The following C17orf67 variants were observed in gnomAD, a reference collection of about 807,000 sequenced individuals.
C17orf67 encodes chromosome 17 open reading frame 67, also known as uncharacterized protein C17orf67.
Under a neutral mutation model 11.2 loss-of-function variants are expected in C17orf67, and 12 were observed. The ratio of observed to expected loss-of-function variants is 1.07; its 90% CI spans 0.68 to 1.73. The LOEUF is 1.73. Ranked by LOEUF, C17orf67 falls within the 40% of genes most tolerant of loss-of-function variation. The pLI, the probability that C17orf67 is intolerant of heterozygous loss-of-function variation, is 0.00. For missense variants in C17orf67, 115 were observed against 113.5 expected (o/e 1.01, Z -0.06); for synonymous variants, 59 against 46.9 (o/e 1.26, Z -1.05).
intron 4 of C17orf67, among the ~76,000 whole-genome samples, chr17:56,817,646 G>A (rs1258731944): frequency 6.6e-6 from 1 of 151,670 alleles, no homozygotes; most frequent in Non-Finnish European, 1.5e-5. Context: ...GCAGAGATAG[G>A]GGCTCACTAT....
intron 7 of C17orf67, among the ~76,000 whole-genome samples, chr17:56,794,731 A>G (rs1048999365): frequency 1.3e-5 from 2 of 152,220 alleles, no homozygotes; most frequent in African/African-American, 2.4e-5. Context: ...CCCAAGTCTC[A>G]ACAAAACACA....
At chr17:56,828,107 CAAA>C (rs11379714) in intron 2 of C17orf67, among the ~76,000 whole-genome samples, 4 of 109,312 alleles carry the variant, frequency 3.7e-5, no homozygotes, top group Admixed American at 9.4e-5. Context: ...GACTCAGTCT[CAAA>C]AAAAAAAAAA....
At chr17:56,826,205 TA>T (rs1197666490) in intron 2 of C17orf67, among the ~76,000 whole-genome samples, 1 of 152,198 alleles carries the variant, frequency 6.6e-6, no homozygotes, top group African/African-American at 2.4e-5. Context: ...CCACCTGCCT[TA>T]GTCTCCCAAA....
intron 2 of C17orf67, among the ~76,000 whole-genome samples, chr17:56,826,785 T>TCAGTCCCAA (rs1305004096): frequency 2.6e-5 from 4 of 152,266 alleles, no homozygotes; most frequent in African/African-American, 7.2e-5. Flanking sequence ...AACAGTGATC[T>TCAGTCCCAA]CAGTCCCACC....
intron 6 of C17orf67, among the ~76,000 whole-genome samples, chr17:56,810,898 T>G (rs1905606670): frequency 6.6e-6 from 1 of 152,250 alleles, no homozygotes; most frequent in Admixed American, 6.5e-5. Context: ...CTGACTGGCA[T>G]TATTAATTTT....
intron 6 of C17orf67, among the ~76,000 whole-genome samples, chr17:56,798,934 G>A (rs993026145): frequency 3.5e-4 from 53 of 152,308 alleles, no homozygotes; most frequent in African/African-American, 1.3e-3. Flanking sequence ...AAGGTGAAGG[G>A]GAGCTGATAT....
chr17:56,808,344 T>C lies in C17orf67; in HGVS notation c.156+6525A>G, dbSNP rs534897048. 8.5e-5 allele frequency among the ~76,000 whole-genome samples: 13 copies of C among 152,294 alleles called. No homozygotes were observed. The South Asian group carries it at 2.7e-3, about 32-fold the overall frequency. On this transcript the variant is annotated intron_variant, in intron 6 of 7. Transcript: ENST00000397861. Reference sequence around the variant, plus strand: ...GTGTCCAGAGTTACCATAAAATAAATGTATCCGTTATTCCTGCTGCTGGGA... The same window carrying C: ...GTGTCCAGAGTTACCATAAAATAAACGTATCCGTTATTCCTGCTGCTGGGA...
chr17:56,814,344 A>G (rs1905702243), intron 6 of C17orf67, among the ~76,000 whole-genome samples: 1 of 152,180 alleles, frequency 6.6e-6, no homozygotes, highest in African/African-American at 2.4e-5. Flanking sequence ...TCACAGAGGG[A>G]GCCTGGTTCA....
At chr17:56,797,035 T>G (rs1905226932) in intron 6 of C17orf67, among the ~76,000 whole-genome samples, 1 of 152,050 alleles carries the variant, frequency 6.6e-6, no homozygotes, top group Non-Finnish European at 1.5e-5. Flanking sequence ...ATTCCCCTCC[T>G]TCCCCCACTC....
At chr17:56,815,528 AT>A (rs897081507) in intron 5 of C17orf67, among the ~76,000 whole-genome samples, 1 of 152,184 alleles carries the variant, frequency 6.6e-6, no homozygotes, top group Non-Finnish European at 1.5e-5. Flanking sequence ...ATTTATCAGC[AT>A]TTTTGAGAAT....
rs1906268767 is a variant in C17orf67 at position 56,832,951 on chromosome 17, T to G, written c.-610A>C. The G allele has an allele frequency of 6.6e-6, 1 of 152,234 alleles. No homozygotes were observed. The highest frequency in any genetic ancestry group is 1.5e-5 in the Non-Finnish European group (1 of 68,050). 9.4% of individuals were successfully genotyped at this position (152,234 alleles called of 1,614,324 possible). ...TTAATGAATGTTATGTCTTCTCTAATCGTTTGGAAGATATTATCAAGTATT... is the reference window on the plus strand; with the variant it reads ...TTAATGAATGTTATGTCTTCTCTAAGCGTTTGGAAGATATTATCAAGTATT... On this transcript the variant is annotated 5_prime_UTR_variant, in exon 2 of 8. Transcript: ENST00000397861.
chr17:56,793,597 T>C (rs1905157673), intron 7 of C17orf67, among the ~76,000 whole-genome samples: 1 of 152,228 alleles, frequency 6.6e-6, no homozygotes, highest in African/African-American at 2.4e-5. Context: ...GACATCATTA[T>C]TACCCCAACT....
chr17:56,831,486 A>T (rs1214764825), intron 2 of C17orf67, among the ~76,000 whole-genome samples: 1 of 152,216 alleles, frequency 6.6e-6, no homozygotes, highest in Non-Finnish European at 1.5e-5. Context: ...AGATGGACAT[A>T]GGTGGAGAAC....
At chr17:56,830,865 C>A (rs1464923183) in intron 2 of C17orf67, among the ~76,000 whole-genome samples, 1 of 152,060 alleles carries the variant, frequency 6.6e-6, no homozygotes, top group Admixed American at 6.5e-5. Context: ...AGGCCTCTGT[C>A]GGGAGGGAGC....
intron 6 of C17orf67, among the ~76,000 whole-genome samples, chr17:56,807,903 T>TAAATAATA (rs922304093): frequency 0.045 from 6,536 of 144,296 alleles, 179 homozygotes; most frequent in Admixed American, 0.077. Flanking sequence ...AATAAATAAA[T>TAAATAATA]AATAAATAAA....
chr17:56,832,797 CT>C (rs1448386142), intron 2 of C17orf67, 100 bp downstream of exon 2: 5 of 152,188 alleles, frequency 3.3e-5, no homozygotes, highest in African/African-American at 1.2e-4. Context: ...TGCTTTACCA[CT>C]TTTACTAGTG....
chr17:56,826,381 A>T (rs1243609205), intron 2 of C17orf67, among the ~76,000 whole-genome samples: 1 of 152,246 alleles, frequency 6.6e-6, no homozygotes, highest in East Asian at 1.9e-4. Flanking sequence ...CTGAAGCAGA[A>T]GTTATGCTTT....
chr17:56,823,418 TG>T (rs1905953106), intron 4 of C17orf67, among the ~76,000 whole-genome samples: 3 of 151,860 alleles, frequency 2.0e-5, no homozygotes, highest in Admixed American at 2.0e-4. Context: ...AAAAGCAACT[TG>T]GGGAAATCAG....
Position 56,815,814 on chromosome 17 carries a change from G to C in C17orf67, c.-4C>G. 6.2e-7 allele frequency: 1 copy of C among 1,613,866 alleles called. No homozygotes were observed. ...CGAGCACAGGCAATGTCTTCATCCT[G>C]CCTTGGTTCCTCTGCCTCTTGCTGA... On this transcript the variant is annotated 5_prime_UTR_variant, in exon 5 of 8. Transcript: ENST00000397861.
Sources: gnomAD v4.1 joint callset for allele counts (sites outside exome capture counted in the v4.1 genomes callset) on GRCh38, gnomAD v4.1.1 for gene constraint, MANE v1.5 for transcripts, NCBI Gene and HGNC (gene_info 2026-07-23, HGNC 2026-07-21) for gene names.